RBFOX1: variants seen among roughly 807,000 people sequenced by gnomAD.
RBFOX1 encodes RNA binding fox-1 homolog 1.
RBFOX1 carries 8 observed loss-of-function variants against 57.7 expected under a neutral mutation model. That is an observed-to-expected ratio of 0.14 (90% CI 0.08 to 0.25). The LOEUF (loss-of-function observed/expected upper bound fraction) is 0.25, where lower values mean the gene tolerates loss of function less well. Ranked by LOEUF, RBFOX1 falls within the 10% of genes least tolerant of loss-of-function variation. The pLI is 1.00. For missense variants in RBFOX1, 611 were observed against 548.5 expected (o/e 1.11, Z -1.14); for synonymous variants, 326 against 222.4 (o/e 1.47, Z -4.15).
Position 5,442,639 on chromosome 16 carries a change from G to A in RBFOX1, c.220-24577G>A, listed in dbSNP as rs942120406. On this transcript the variant is annotated intron_variant, in intron 1 of 2. Transcript: ENST00000585867. ...TAAAAACCAATTGGGCTTGGGAAGT[G>A]TAAATTAGAGTGGTTGTATCTATTT... 2.0e-5 allele frequency among the ~76,000 whole-genome samples: 3 copies of A among 152,294 alleles called. No individual in the cohort carries two copies. In the Middle Eastern group the frequency reaches 0.01, roughly 518 times the overall value.
rs1331723148 is a variant in RBFOX1 at position 6,780,139 on chromosome 16, TTA to T, written c.-16+125497_-16+125498del. On this transcript the variant is annotated intron_variant, in intron 3 of 15. Coordinates refer to ENST00000550418, the MANE Select transcript of RBFOX1 (RefSeq NM_018723.4). ...TATATTTATATATATATTTATATAT[TTA>T]TATATATTTATATATATATTTATAT... Among the ~76,000 whole-genome samples the T allele has an allele frequency of 9.2e-5, 4 of 43,414 alleles. 1 individual carries two copies. The highest frequency in any genetic ancestry group is 1.3e-4 in the Non-Finnish European group (4 of 30,928). 28.5% of individuals were successfully genotyped at this position (43,414 alleles called of 152,430 possible).
intron 1 of RBFOX1, among the ~76,000 whole-genome samples, chr16:6,264,635 G>A (rs1057348835): frequency 2.6e-5 from 4 of 152,044 alleles, no homozygotes; most frequent in Admixed American, 6.5e-5. Flanking sequence ...TCTCCCCACC[G>A]CTAATGTGCT....
chr16:5,984,077 C>CCCT (rs1169698742), intron 4 of RBFOX1, among the ~76,000 whole-genome samples: 2 of 46,526 alleles, frequency 4.3e-5, no homozygotes, highest in African/African-American at 2.4e-4. Context: ...CTCCCACTCC[C>CCCT]CCTCCTCCTC....
chr16:7,443,176 G>A (rs909980910), intron 4 of RBFOX1, among the ~76,000 whole-genome samples: 9 of 152,098 alleles, frequency 5.9e-5, no homozygotes, highest in African/African-American at 1.7e-4. Context: ...CTAGGATCGC[G>A]TGGTACAGGA....
chr16:5,337,294 A>G (rs1170734785), intron 1 of RBFOX1, among the ~76,000 whole-genome samples: 1 of 152,148 alleles, frequency 6.6e-6, no homozygotes, highest in East Asian at 1.9e-4. Context: ...TTGATTTTGT[A>G]AAAGTGTACA....
At chr16:7,046,078 G>A (rs574212894) in intron 3 of RBFOX1, among the ~76,000 whole-genome samples, 45 of 151,994 alleles carry the variant, frequency 3.0e-4, no homozygotes, top group Non-Finnish European at 5.9e-4. Flanking sequence ...TAAATGCCCT[G>A]TATGTCACAA....
At chr16:7,009,742 C>G (rs76440147) in intron 3 of RBFOX1, among the ~76,000 whole-genome samples, 25 of 152,302 alleles carry the variant, frequency 1.6e-4, no homozygotes, top group African/African-American at 6.0e-4. Flanking sequence ...CACAGTAGTT[C>G]TCTTGATTAA....
At chr16:7,002,069 G>C (rs1479159721) in intron 3 of RBFOX1, among the ~76,000 whole-genome samples, 1 of 151,806 alleles carries the variant, frequency 6.6e-6, no homozygotes, top group African/African-American at 2.4e-5. Context: ...AGAGATTCCT[G>C]GGGGACTTTG....
rs35808036 is a variant in RBFOX1, at chr16:5,837,606, C to CT, written c.319-29682dup. 2.2e-3 allele frequency among the ~76,000 whole-genome samples: 323 copies of CT among 143,736 alleles called. 1 individual carries two copies. The highest frequency in any genetic ancestry group is 0.016 in the South Asian group (72 of 4,446). 94.3% of individuals were successfully genotyped at this position (143,736 alleles called of 152,430 possible). A position where few individuals can be genotyped will look rare whatever the true frequency, so the allele number is the denominator to read the frequency against. ...GGGAAAGTCTTGATGCCAGCCCCCTCTTTTTTTTTTTTTTTCCTGAGAGGT... is the reference window on the plus strand; with the variant it reads ...GGGAAAGTCTTGATGCCAGCCCCCTCTTTTTTTTTTTTTTTTCCTGAGAGGT... On this transcript the variant is annotated intron_variant, in intron 3 of 19. Transcript: ENST00000641259.
intron 4 of RBFOX1, among the ~76,000 whole-genome samples, chr16:7,171,031 G>A (rs752231595): frequency 6.6e-6 from 1 of 152,132 alleles, no homozygotes; most frequent in South Asian, 2.1e-4. Flanking sequence ...TCTCACCTGC[G>A]ATGTCTCCTT....
chr16:6,629,110 G>T (rs1439244471), intron 2 of RBFOX1, among the ~76,000 whole-genome samples: 1 of 152,202 alleles, frequency 6.6e-6, no homozygotes, highest in African/African-American at 2.4e-5. Context: ...ACTTTTGTGT[G>T]TGTATATGTG....
chr16:6,496,476 C>G (rs2153158566), intron 2 of RBFOX1, among the ~76,000 whole-genome samples: 1 of 152,264 alleles, frequency 6.6e-6, no homozygotes, highest in Non-Finnish European at 1.5e-5. Context: ...GTGTTGTGGT[C>G]TTGCTCATAC....
intron 2 of RBFOX1, among the ~76,000 whole-genome samples, chr16:6,470,707 A>T (rs534949183): frequency 1.3e-5 from 2 of 152,318 alleles, no homozygotes; most frequent in African/African-American, 4.8e-5. Flanking sequence ...GAACCTGGTC[A>T]TCGATACCAC....
At chr16:5,435,490 C>G (rs1193294478) in intron 1 of RBFOX1, among the ~76,000 whole-genome samples, 1 of 152,176 alleles carries the variant, frequency 6.6e-6, no homozygotes, top group Non-Finnish European at 1.5e-5. Context: ...CCACTACGAT[C>G]CCTGGATCTC....
chr16:5,308,690 TC>T (rs773925464), intron 1 of RBFOX1, among the ~76,000 whole-genome samples: 4 of 152,328 alleles, frequency 2.6e-5, no homozygotes, highest in Middle Eastern at 3.4e-3. Flanking sequence ...CCTTTTTTTT[TC>T]TTCTGGAGTT....
At chr16:7,450,904 T>C (rs1460780255) in intron 4 of RBFOX1, among the ~76,000 whole-genome samples, 1 of 152,100 alleles carries the variant, frequency 6.6e-6, no homozygotes, top group Non-Finnish European at 1.5e-5. Context: ...AGGGCATGCA[T>C]CCACAGCGTA....
chr16:7,392,911 T>A (rs2098064130), intron 4 of RBFOX1, among the ~76,000 whole-genome samples: 1 of 152,092 alleles, frequency 6.6e-6, no homozygotes, highest in South Asian at 2.1e-4. Context: ...TCTTGCTGTG[T>A]CCCCCAAGCT....
intron 3 of RBFOX1, among the ~76,000 whole-genome samples, chr16:6,712,306 G>A (rs1379431322): frequency 6.6e-6 from 1 of 152,056 alleles, no homozygotes; most frequent in East Asian, 1.9e-4. Flanking sequence ...TCTGTCATCT[G>A]GGTCTGCCAA....
chr16:5,893,306 G>A (rs1231520113), intron 4 of RBFOX1, among the ~76,000 whole-genome samples: 2 of 152,168 alleles, frequency 1.3e-5, no homozygotes, highest in African/African-American at 2.4e-5. Context: ...ATCACATGGT[G>A]AATGGGCACA....
Sources: allele counts gnomAD v4.1 joint callset (sites outside exome capture counted in the v4.1 genomes callset), GRCh38; gene constraint gnomAD v4.1.1; transcripts MANE v1.5; gene names NCBI Gene and HGNC (gene_info 2026-07-23, HGNC 2026-07-21).